LSAMP: variants seen among roughly 807,000 people sequenced by gnomAD.
The protein encoded by LSAMP is limbic system-associated membrane protein.
In LSAMP, 7 loss-of-function variants were observed where a neutral mutation model predicts 38.6. The observed-to-expected ratio is 0.18, with a 90% confidence interval of 0.10 to 0.34. The LOEUF (loss-of-function observed/expected upper bound fraction) is 0.34. LSAMP is among the 10% of genes least tolerant of loss of function. The probability of loss-of-function intolerance (pLI) is 1.00; values close to 1 mark genes in which losing one functional copy is unlikely to be tolerated. For synonymous variants in LSAMP, 154 were observed against 166.8 expected (o/e 0.92, Z 0.59); for missense variants, 313 against 420.0 (o/e 0.75, Z 2.23).
intron 1 of LSAMP, among the ~76,000 whole-genome samples, chr3:116,164,572 AATAT>A (rs201749997): frequency 0.89 from 91,349 of 102,242 alleles, 41,213 homozygotes; most frequent in East Asian, 0.96. Context: ...CACTAATCCA[AATAT>A]ATATATATAT....
intron 1 of LSAMP, among the ~76,000 whole-genome samples, chr3:116,290,842 TCTG>T (rs1216481790): frequency 9.2e-5 from 14 of 151,846 alleles, no homozygotes; most frequent in Admixed American, 5.3e-4. Context: ...AGCCCTATTG[TCTG>T]CTATTAAATT....
At chr3:116,134,700 T>C (rs1190841834) in intron 1 of LSAMP, among the ~76,000 whole-genome samples, 2 of 152,206 alleles carry the variant, frequency 1.3e-5, no homozygotes, top group African/African-American at 4.8e-5. Context: ...ACATAGCCTC[T>C]TTCCATCCTC....
intron 1 of LSAMP, among the ~76,000 whole-genome samples, chr3:116,117,230 G>A (rs1354564271): frequency 2.6e-5 from 4 of 152,124 alleles, no homozygotes; most frequent in Non-Finnish European, 5.9e-5. Flanking sequence ...GTGTGGGTGG[G>A]ACTCCTTGGC....
chr3:116,108,596 A>G (rs937607760), intron 1 of LSAMP, among the ~76,000 whole-genome samples: 1 of 152,194 alleles, frequency 6.6e-6, no homozygotes, highest in Non-Finnish European at 1.5e-5. Context: ...CCGCTAAGCC[A>G]AGAAGATCTG....
rs549347205 is a variant in LSAMP, at chr3:116,275,881, G to A, written c.155+168996C>T. On this transcript the variant is annotated intron_variant, in intron 1 of 6. Transcript: ENST00000490035. ...AGTAAGTGATAGAATCATTCTATAC[G>A]TAACTGAATAAAACCAAATCAGGGG... Among the ~76,000 whole-genome samples the A allele has an allele frequency of 4.6e-5, 7 of 152,214 alleles. No individual in the cohort carries two copies. In the South Asian group the frequency reaches 1.0e-3, roughly 23 times the overall value.
chr3:116,380,826 T>G (rs1559847879), intron 1 of LSAMP, among the ~76,000 whole-genome samples: 16 of 152,094 alleles, frequency 1.1e-4, no homozygotes, highest in Non-Finnish European at 2.9e-5. Flanking sequence ...GCTTTGGTTT[T>G]TTTGTTTGTT....
intron 1 of LSAMP, among the ~76,000 whole-genome samples, chr3:116,164,449 G>A (rs1430022024): frequency 1.3e-5 from 2 of 149,822 alleles, no homozygotes; most frequent in Non-Finnish European, 3.0e-5. Flanking sequence ...GCCATTAAAA[G>A]CAATGGCAAA....
At chr3:116,414,554 C>G (rs2049023666) in intron 1 of LSAMP, among the ~76,000 whole-genome samples, 1 of 152,108 alleles carries the variant, frequency 6.6e-6, no homozygotes, top group Admixed American at 6.6e-5. Context: ...ACGTTTGGTT[C>G]TTCTCATCTC....
At chr3:115,972,500 A>C (rs1031813380) in intron 3 of LSAMP, among the ~76,000 whole-genome samples, 2 of 151,734 alleles carry the variant, frequency 1.3e-5, no homozygotes, top group Non-Finnish European at 2.9e-5. Flanking sequence ...TATATTTAAA[A>C]TATTCCCCAC....
At chr3:115,920,471 A>C (rs887338903) in intron 3 of LSAMP, among the ~76,000 whole-genome samples, 4 of 152,268 alleles carry the variant, frequency 2.6e-5, no homozygotes, top group South Asian at 4.2e-4. Context: ...GATGTTGAAC[A>C]TCTTACATAT....
intron 1 of LSAMP, among the ~76,000 whole-genome samples, chr3:116,143,284 A>G (rs1349454623): frequency 6.6e-6 from 1 of 151,786 alleles, no homozygotes; most frequent in African/African-American, 2.4e-5. Flanking sequence ...AAAAATATCC[A>G]TTTTATCTGT....
intron 3 of LSAMP, among the ~76,000 whole-genome samples, chr3:115,902,357 T>G (rs1413202968): frequency 6.6e-6 from 1 of 152,080 alleles, no homozygotes; most frequent in Non-Finnish European, 1.5e-5. Flanking sequence ...AAGTTTACTC[T>G]TTAAAAAGGT....
intron 2 of LSAMP, among the ~76,000 whole-genome samples, chr3:116,020,163 A>G (rs1940598532): frequency 6.6e-6 from 1 of 152,302 alleles, no homozygotes; most frequent in East Asian, 1.9e-4. Context: ...AATCACCACA[A>G]TAGAAAGCAT....
chr3:115,872,627 T>C (rs1194014413), intron 3 of LSAMP, among the ~76,000 whole-genome samples: 1 of 152,086 alleles, frequency 6.6e-6, no homozygotes, highest in Non-Finnish European at 1.5e-5. Flanking sequence ...GTATGCAGAA[T>C]AAAAATACAG....
chr3:115,941,563 A>C (rs12491119), intron 3 of LSAMP, among the ~76,000 whole-genome samples: 35,847 of 152,030 alleles, frequency 0.24, 5,052 homozygotes, highest in East Asian at 0.53. Flanking sequence ...ATTGGCGCAC[A>C]CACACACAGA....
At chr3:116,434,062 C>G (rs1269919195) in intron 1 of LSAMP, among the ~76,000 whole-genome samples, 1 of 152,190 alleles carries the variant, frequency 6.6e-6, no homozygotes, top group Non-Finnish European at 1.5e-5. Flanking sequence ...CTAACCAAAT[C>G]TCTTTACCGT....
At chr3:116,358,673 T>G (rs1430428322) in intron 1 of LSAMP, among the ~76,000 whole-genome samples, 1 of 152,172 alleles carries the variant, frequency 6.6e-6, no homozygotes, top group Non-Finnish European at 1.5e-5. Context: ...ATGAAAGACA[T>G]TCTATCTCTT....
chr3:116,319,314 T>C (rs747880628), intron 1 of LSAMP, among the ~76,000 whole-genome samples: 5 of 152,216 alleles, frequency 3.3e-5, no homozygotes, highest in Non-Finnish European at 7.3e-5. Flanking sequence ...TTGTCAGCTG[T>C]GTTGGAGTGA....
chr3:116,445,430 G>T lies in LSAMP; in HGVS notation c.-399C>A. The T allele has an allele frequency of 2.2e-6, 1 of 446,644 alleles. No individual in the cohort carries two copies. The highest frequency in any genetic ancestry group is 3.9e-6 in the Non-Finnish European group (1 of 255,636). The allele number at this position is 446,644 out of a possible 1,614,324, so 27.7% of individuals were successfully genotyped here. A position where few individuals can be genotyped will look rare whatever the true frequency, so the allele number is the denominator to read the frequency against. Reference sequence around the variant, plus strand: ...CCCACTTTCCCAGGCTGGCGGGCGGGCGGGCGAGGGAGCCGGCACCAAGCC... The same window carrying T: ...CCCACTTTCCCAGGCTGGCGGGCGGTCGGGCGAGGGAGCCGGCACCAAGCC... On this transcript the variant is annotated 5_prime_UTR_variant, in exon 1 of 7. Transcript: ENST00000490035.
Sources: allele counts gnomAD v4.1 joint callset (sites outside exome capture counted in the v4.1 genomes callset), GRCh38; gene constraint gnomAD v4.1.1; transcripts MANE v1.5; gene names NCBI Gene and HGNC (gene_info 2026-07-23, HGNC 2026-07-21).